Variants in MS4A18 observed in about 807,000 individuals in gnomAD.
MS4A18 encodes the protein membrane spanning 4-domains A18.
Under a neutral mutation model 13.1 loss-of-function variants are expected in MS4A18, and 27 were observed. That is an observed-to-expected ratio of 2.06 (90% confidence interval 1.52 to 2.84). The LOEUF is 2.84. Ranked by LOEUF, MS4A18 falls within the 30% of genes most tolerant of loss-of-function variation. MS4A18 has a pLI of 0.00. For missense variants in MS4A18, 307 were observed against 196.4 expected, an observed-to-expected ratio of 1.56 and a Z score of -3.37; for synonymous variants, 126 against 76.5, an observed-to-expected ratio of 1.65 and a Z score of -3.38.
intron 1 of MS4A18, among the ~76,000 whole-genome samples, chr11:60,732,001 A>C (rs536473821): frequency 6.6e-6 from 1 of 152,166 alleles, no homozygotes; most frequent in South Asian, 2.1e-4. Context: ...TCGCCTTAGG[A>C]AGGGATGTTC....
chr11:60,743,074 G>A (rs376350483), intron 5 of MS4A18, among the ~76,000 whole-genome samples: 25 of 152,240 alleles, frequency 1.6e-4, no homozygotes, highest in Middle Eastern at 3.4e-3. Flanking sequence ...CTTCTCCAGC[G>A]CCACCTGCCA....
downstream of MS4A18, chr11:60,744,308 G>T (rs117771834): frequency 3.3e-6 from 1 of 300,820 alleles, no homozygotes; most frequent in Non-Finnish European, 6.3e-6. Context: ...GTTCTAAATC[G>T]GTGCCTCAGC....
upstream of MS4A18, among the ~76,000 whole-genome samples, chr11:60,728,930 G>A (rs1382193081): frequency 6.6e-6 from 1 of 152,200 alleles, no homozygotes; most frequent in East Asian, 1.9e-4. Flanking sequence ...TTTGGGGTCA[G>A]TTGTTCACCC....
intron 5 of MS4A18, 122 bp from the exon 7 acceptor site, chr11:60,743,528 G>T (rs1369226643): frequency 3.2e-6 from 2 of 627,632 alleles, no homozygotes; most frequent in African/African-American, 3.6e-5. Flanking sequence ...ACATGACCAA[G>T]CCCAGCATCA....
At chr11:60,729,836 C>T (rs1590961548) in intron 1 of MS4A18, 50 bp downstream of exon 2, 2 of 655,264 alleles carry the variant, frequency 3.1e-6, no homozygotes, top group East Asian at 2.7e-5. Context: ...CATAAGCCCT[C>T]GTCTAGTGCT....
At chr11:60,744,051 A>G (rs942734389) in exon 6 of MS4A18, 3 of 661,758 alleles carry the variant, frequency 4.5e-6, no homozygotes, top group African/African-American at 3.5e-5. Context: ...AAGGGGATAC[A>G]CTGTAGCTGT....
chr11:60,742,280 C>T (rs193253430), intron 5 of MS4A18, among the ~76,000 whole-genome samples: 1 of 152,290 alleles, frequency 6.6e-6, no homozygotes, highest in East Asian at 1.9e-4. Context: ...TATTTTCCAC[C>T]TTGATTTCTC....
At chr11:60,743,315 A>C (rs907414637) in intron 5 of MS4A18, among the ~76,000 whole-genome samples, 1 of 152,216 alleles carries the variant, frequency 6.6e-6, no homozygotes, top group African/African-American at 2.4e-5. Context: ...GTGGCTGGAT[A>C]GTATTGGGCA....
At chr11:60,730,660 G>C (rs1359658392) in intron 1 of MS4A18, among the ~76,000 whole-genome samples, 1 of 152,202 alleles carries the variant, frequency 6.6e-6, no homozygotes, top group Non-Finnish European at 1.5e-5. Flanking sequence ...GACAAGGACA[G>C]GTGCAGGAAG....
At chr11:60,725,935 C>A (rs185147143), upstream of MS4A18, among the ~76,000 whole-genome samples, 127 of 152,260 alleles carry the variant, frequency 8.3e-4, no homozygotes, top group African/African-American at 2.7e-3. Context: ...CCTGGGAAAT[C>A]TGTTATTCTT....
chr11:60,743,752 G>C (rs1415091382), exon 6 of MS4A18: 1 of 702,720 alleles, frequency 1.4e-6, no homozygotes, highest in South Asian at 1.5e-5. Flanking sequence ...CACTGGCCCT[G>C]TCAGTGCCAC....
At chr11:60,729,983 G>A (rs1565058810) in intron 1 of MS4A18, among the ~76,000 whole-genome samples, 197 bp downstream of exon 2, 1 of 152,102 alleles carries the variant, frequency 6.6e-6, no homozygotes, top group Admixed American at 6.5e-5. Context: ...ACTCCCCAAG[G>A]AGACCCATGG....
At chr11:60,729,780 A>G (rs1853225711) in exon 1 of MS4A18, 1 of 694,248 alleles carries the variant, frequency 1.4e-6, no homozygotes, top group African/African-American at 1.8e-5. Context: ...AGGTCAGAAC[A>G]TTAGGGGTGA....
chr11:60,731,983 C>T (rs1295432163), intron 1 of MS4A18, among the ~76,000 whole-genome samples: 2 of 152,008 alleles, frequency 1.3e-5, no homozygotes, highest in Non-Finnish European at 2.9e-5. Flanking sequence ...TAGACAGAGT[C>T]AAGCATGTCG....
chr11:60,743,625 C>A lies in MS4A18; in HGVS notation c.859-25C>A. On this transcript the variant is annotated intron_variant, in intron 5 of 5. Coordinates refer to ENST00000529108, the Ensembl canonical transcript of MS4A18. Reference sequence around the variant, plus strand: ...TGTTGTTTACTACAGAGGAAGATGACGACCACATGTCCTTTGTCTTTCAGA... The same window carrying A: ...TGTTGTTTACTACAGAGGAAGATGAAGACCACATGTCCTTTGTCTTTCAGA... 4.3e-6 allele frequency: 3 copies of A among 697,004 alleles called. No individual in the cohort carries two copies. The South Asian group carries it at 4.5e-5, about 10-fold the overall frequency. The allele number at this position is 697,004 out of a possible 1,614,324, so 43.2% of individuals were successfully genotyped here. A position where few individuals can be genotyped will look rare whatever the true frequency, so the allele number is the denominator to read the frequency against.
At chr11:60,743,777 A>G (rs1169462229) in exon 6 of MS4A18, 1 of 702,712 alleles carries the variant, frequency 1.4e-6, no homozygotes. Flanking sequence ...GGTCCTGTCA[A>G]TACTACCATT....
At chr11:60,743,967 A>G (rs1405401353) in exon 6 of MS4A18, 1 of 702,716 alleles carries the variant, frequency 1.4e-6, no homozygotes, top group African/African-American at 1.7e-5. Flanking sequence ...CCAGCAATGT[A>G]CCCCCGAACC....
chr11:60,730,338 G>A (rs973946114), intron 1 of MS4A18, among the ~76,000 whole-genome samples: 1 of 152,186 alleles, frequency 6.6e-6, no homozygotes, highest in Admixed American at 6.5e-5. Context: ...CTGTTTTTGA[G>A]GCAGAAGCCA....
At chr11:60,731,587 G>A (rs1040532801) in intron 1 of MS4A18, among the ~76,000 whole-genome samples, 1 of 152,192 alleles carries the variant, frequency 6.6e-6, no homozygotes, top group Non-Finnish European at 1.5e-5. Context: ...TTGGAAGCAA[G>A]AGACATCATT....
Sources: gnomAD v4.1 joint callset for allele counts (sites outside exome capture counted in the v4.1 genomes callset) on GRCh38, gnomAD v4.1.1 for gene constraint, MANE v1.5 for transcripts, NCBI Gene and HGNC (gene_info 2026-07-23, HGNC 2026-07-21) for gene names.